MCF2L2: variants seen among roughly 807,000 people sequenced by gnomAD.
MCF2L2 encodes MCF.2 cell line derived transforming sequence-like 2, also known as probable guanine nucleotide exchange factor MCF2L2.
Under a neutral mutation model 150.2 loss-of-function variants are expected in MCF2L2, and 102 were observed. That is an observed-to-expected ratio of 0.68 (90% CI 0.58 to 0.80). MCF2L2 has a LOEUF of 0.80. Among genes scored for constraint, MCF2L2 ranks in the 30% least tolerant of loss-of-function variants. MCF2L2 has a pLI of 0.00. For missense variants in MCF2L2, 1,256 were observed against 1,372.8 expected, an observed-to-expected ratio of 0.91 and a Z score of 1.34; for synonymous variants, 465 against 491.3, an observed-to-expected ratio of 0.95 and a Z score of 0.71.
intron 19 of MCF2L2, 110 bp from the exon 20 acceptor site, chr3:183,223,548 G>A (rs1018646790): frequency 2.8e-5 from 21 of 750,256 alleles, no homozygotes; most frequent in Non-Finnish European, 4.4e-5. Flanking sequence ...GACAACAGGG[G>A]CAGCTGTGTC....
intron 25 of MCF2L2, among the ~76,000 whole-genome samples, chr3:183,201,362 C>T (rs1291674765): frequency 6.6e-6 from 1 of 152,032 alleles, no homozygotes; most frequent in African/African-American, 2.4e-5. Context: ...AGTTGGATTC[C>T]TAGGTATTTT....
chr3:183,295,945 G>A (rs756357736), intron 12 of MCF2L2, among the ~76,000 whole-genome samples: 5 of 152,012 alleles, frequency 3.3e-5, no homozygotes, highest in Admixed American at 6.6e-5. Context: ...GCGACAGAGC[G>A]ACTCCATCTC....
intron 1 of MCF2L2, among the ~76,000 whole-genome samples, chr3:183,412,098 G>A (rs1195511974): frequency 1.3e-5 from 2 of 152,110 alleles, no homozygotes; most frequent in African/African-American, 4.8e-5. Flanking sequence ...CAAAAACCCA[G>A]ATAAACTACA....
In MCF2L2 at chr3:183,199,896, G is replaced by A. The variant is rs565545618; in HGVS notation, c.2885-4641C>T. On this transcript the variant is annotated intron_variant, in intron 25 of 29. Coordinates refer to ENST00000328913, the MANE Select transcript of MCF2L2 (RefSeq NM_015078.4). ...ACGGTGTTTGGTTTTCTGTCCTTGCGATAGTTTGCTCAGAATGATGGTTTC... is the reference window on the plus strand; with the variant it reads ...ACGGTGTTTGGTTTTCTGTCCTTGCAATAGTTTGCTCAGAATGATGGTTTC... Among the ~76,000 whole-genome samples the A allele has an allele frequency of 7.9e-5, 12 of 151,272 alleles. No homozygotes were observed. The East Asian group carries it at 1.4e-3, about 17-fold the overall frequency.
At chr3:183,196,036 C>T (rs1003882101) in intron 25 of MCF2L2, among the ~76,000 whole-genome samples, 29 of 152,176 alleles carry the variant, frequency 1.9e-4, no homozygotes, top group Non-Finnish European at 2.8e-4. Flanking sequence ...GATCTTTCCC[C>T]GCAGTCTCCC....
intron 1 of MCF2L2, among the ~76,000 whole-genome samples, chr3:183,426,235 T>A (rs1008033523): frequency 6.6e-6 from 1 of 152,088 alleles, no homozygotes; most frequent in African/African-American, 2.4e-5. Flanking sequence ...CAGCTAAGTG[T>A]TAGTCAAGGA....
intron 6 of MCF2L2, among the ~76,000 whole-genome samples, chr3:183,322,558 T>G (rs6770448): frequency 0.14 from 21,962 of 152,254 alleles, 1,743 homozygotes; most frequent in African/African-American, 0.2. Context: ...TTTTAACAGA[T>G]GAAGAAACAA....
intron 20 of MCF2L2, among the ~76,000 whole-genome samples, chr3:183,222,265 C>A (rs1016483096): frequency 7.9e-5 from 12 of 152,066 alleles, no homozygotes; most frequent in Admixed American, 4.6e-4. Flanking sequence ...GCTGGTATGT[C>A]TGATTGTGGA....
rs568036765 is a variant in MCF2L2 at position 183,201,233 on chromosome 3, C to T, written c.2884+4643G>A. ...ACCTTGGGCAGTATGGCCATTTTCA[C>T]GATATTGATTCTTCCTATCCATGAG... On this transcript the variant is annotated intron_variant, in intron 25 of 29. Coordinates refer to ENST00000328913, the MANE Select transcript of MCF2L2 (RefSeq NM_015078.4). Among the ~76,000 whole-genome samples, 1,114 of 152,006 alleles carry T rather than the reference C, an allele frequency of 7.3e-3. 14 individuals carry two copies. Among genetic ancestry groups the T allele is most frequent in the African/African-American group, 0.025 (1,016 of 41,442 alleles).
At chr3:183,325,908 AGT>A (rs1442523838) in intron 5 of MCF2L2, among the ~76,000 whole-genome samples, 1 of 152,258 alleles carries the variant, frequency 6.6e-6, no homozygotes, top group Non-Finnish European at 1.5e-5. Flanking sequence ...TGATCTGTAG[AGT>A]CAAAACAATT....
intron 3 of MCF2L2, chr3:183,375,096 T>A (rs1713121289): frequency 6.6e-6 from 1 of 152,240 alleles, no homozygotes; most frequent in African/African-American, 2.4e-5. Context: ...TGCTTTGATG[T>A]TCTCACACAC....
At chr3:183,356,024 G>A (rs1375334075) in intron 3 of MCF2L2, among the ~76,000 whole-genome samples, 1 of 152,052 alleles carries the variant, frequency 6.6e-6, no homozygotes, top group Non-Finnish European at 1.5e-5. Flanking sequence ...CCTTCACAAA[G>A]TAGATTTGCC....
At chr3:183,345,956 A>G (rs1730881605) in intron 3 of MCF2L2, among the ~76,000 whole-genome samples, 1 of 152,176 alleles carries the variant, frequency 6.6e-6, no homozygotes, top group Non-Finnish European at 1.5e-5. Context: ...AAAGCCCAGG[A>G]CCAGATGGAT....
At chr3:183,366,938 A>C (rs1272943560) in intron 3 of MCF2L2, among the ~76,000 whole-genome samples, 1 of 152,236 alleles carries the variant, frequency 6.6e-6, no homozygotes, top group Non-Finnish European at 1.5e-5. Context: ...TTCTGTAAAT[A>C]GGGAAAAAAG....
chr3:183,259,182 G>A (rs1209346743), intron 15 of MCF2L2, among the ~76,000 whole-genome samples: 3 of 152,148 alleles, frequency 2.0e-5, no homozygotes, highest in Non-Finnish European at 4.4e-5. Flanking sequence ...ATCTTAGTCA[G>A]TTTTTCTGGG....
rs41480654 is a variant in MCF2L2 at position 183,229,628 on chromosome 3, A to G, written c.2045+38T>C. The stretch of plus-strand genomic sequence containing the variant: ...TCAGTCTCATTTCCACCCTTCTCTT[A>G]CTCTCCATTCTTTCTGATAACATGA... On this transcript the variant is annotated intron_variant, in intron 17 of 29. Transcript: ENST00000328913. 125 of 934,010 alleles carry G rather than the reference A, an allele frequency of 1.3e-4. No homozygotes were observed. In the East Asian group the frequency reaches 3.1e-3, roughly 23 times the overall value. 57.9% of individuals were successfully genotyped at this position (934,010 alleles called of 1,614,324 possible). A position where few individuals can be genotyped will look rare whatever the true frequency, so the allele number is the denominator to read the frequency against.
At chr3:183,330,430 T>C (rs1730225166) in intron 5 of MCF2L2, among the ~76,000 whole-genome samples, 1 of 151,510 alleles carries the variant, frequency 6.6e-6, no homozygotes. Context: ...ATTGCATTTG[T>C]ATGACTCTCT....
At position 183,379,406 on chromosome 3, in the gene MCF2L2, G is replaced by A. The variant is rs1450813503; in HGVS notation, c.166C>T (p.Arg56Ter). ...ATGATGGGGGCGCCATCCTCCCCTC[G>A]GCCTCCTGCAACAAAAACAGGTGGT... is the stretch of plus-strand genomic sequence containing the variant. The part of the protein sequence containing the change: ...HRQFAILSGG[R>*]GEDGAPIITF... The change falls in exon 3 of 30, where the codon CGA becomes TGA. Residue 56 changes from arginine (R) to a stop codon, truncating the protein, a stop_gained. Coordinates refer to ENST00000328913, the MANE Select transcript of MCF2L2 (RefSeq NM_015078.4). LOFTEE classifies it high-confidence loss of function. The A allele has an allele frequency of 6.2e-6, 10 of 1,608,306 alleles. No homozygotes were observed. Among genetic ancestry groups the A allele is most frequent in the Non-Finnish European group, 6.8e-6 (8 of 1,177,292 alleles).
chr3:183,417,405 T>C (rs1715657717), intron 1 of MCF2L2, among the ~76,000 whole-genome samples: 1 of 152,206 alleles, frequency 6.6e-6, no homozygotes, highest in South Asian at 2.1e-4. Flanking sequence ...AGTTGTAAGT[T>C]GAATCATTGT....
Sources: gnomAD v4.1 joint callset for allele counts (sites outside exome capture counted in the v4.1 genomes callset) on GRCh38, gnomAD v4.1.1 for gene constraint, MANE v1.5 for transcripts, NCBI Gene and HGNC (gene_info 2026-07-23, HGNC 2026-07-21) for gene names.